Variants in DARS1 observed in about 807,000 individuals in gnomAD.
DARS1 encodes the protein aspartyl-tRNA synthetase 1.
In DARS1, 51 loss-of-function variants were observed where a neutral mutation model predicts 68.8. That is an observed-to-expected ratio of 0.74 (90% confidence interval 0.59 to 0.94). The LOEUF (loss-of-function observed/expected upper bound fraction) is 0.94. DARS1 is among the 40% of genes least tolerant of loss of function. DARS1 has a pLI of 0.00. For synonymous variants in DARS1, 203 were observed against 190.4 expected, an observed-to-expected ratio of 1.07 and a Z score of -0.55; for missense variants, 607 against 597.3, an observed-to-expected ratio of 1.02 and a Z score of -0.17.
At position 135,907,091 on chromosome 2, in the gene DARS1, T is replaced by C. The variant is rs925643868; in HGVS notation, c.*225A>G. 1.6e-5 allele frequency: 5 copies of C among 311,440 alleles called. No homozygotes were observed. The Admixed American group carries it at 2.4e-4, about 15-fold the overall frequency. 19.3% of individuals were successfully genotyped at this position (311,440 alleles called of 1,614,324 possible). The stretch of plus-strand genomic sequence containing the variant: ...TCCTACTGATGCATGTCTGAAGTTA[T>C]AAAAATCTCTTTTAAACGAACCTAT... On this transcript the variant is annotated 3_prime_UTR_variant, in exon 16 of 16. Transcript: ENST00000264161.
chr2:135,946,430 T>G (rs1239515551), intron 4 of DARS1, among the ~76,000 whole-genome samples: 1 of 152,192 alleles, frequency 6.6e-6, no homozygotes, highest in African/African-American at 2.4e-5. Context: ...GTCCAGTGTT[T>G]ATGTATAAAT....
chr2:135,943,623 A>G, intron 4 of DARS1, 143 bp from the exon 5 acceptor site: 1 of 1,295,338 alleles, frequency 7.7e-7, no homozygotes, highest in Non-Finnish European at 1.0e-6. Context: ...TATTTAACCT[A>G]CTTAGAATAA....
At chr2:135,948,140 G>A (rs1681768085) in intron 4 of DARS1, among the ~76,000 whole-genome samples, 1 of 152,304 alleles carries the variant, frequency 6.6e-6, no homozygotes, top group South Asian at 2.1e-4. Context: ...AGATGTTGCA[G>A]TGGACAGGAC....
chr2:135,968,647 T>C (rs1170870861), intron 3 of DARS1, among the ~76,000 whole-genome samples: 1 of 149,032 alleles, frequency 6.7e-6, no homozygotes, highest in African/African-American at 2.5e-5. Flanking sequence ...AATGCCACAC[T>C]GGGGATTCAG....
intron 4 of DARS1, among the ~76,000 whole-genome samples, chr2:135,956,697 C>T (rs945726054): frequency 6.6e-6 from 1 of 152,222 alleles, no homozygotes; most frequent in Non-Finnish European, 1.5e-5. Context: ...ACCTCTATTA[C>T]ACCCATCTGT....
At chr2:135,915,450 C>A (rs1575383043) in intron 11 of DARS1, among the ~76,000 whole-genome samples, 1 of 151,946 alleles carries the variant, frequency 6.6e-6, no homozygotes, top group Non-Finnish European at 1.5e-5. Flanking sequence ...CCATGTTCAG[C>A]TAAATTTTAA....
intron 6 of DARS1, among the ~76,000 whole-genome samples, 183 bp downstream of exon 6, chr2:135,933,727 T>G (rs1681404357): frequency 1.3e-5 from 2 of 152,298 alleles, no homozygotes; most frequent in South Asian, 4.1e-4. Flanking sequence ...TTCTTAATTA[T>G]TTTTAATAAT....
chr2:135,943,351 G>A, intron 5 of DARS1, 27 bp downstream of exon 5: 1 of 1,600,124 alleles, frequency 6.2e-7, no homozygotes, highest in Non-Finnish European at 8.5e-7. Context: ...ATTTCTATAT[G>A]CGATTTTATA....
At chr2:135,958,932 C>T (rs1254253470) in intron 4 of DARS1, among the ~76,000 whole-genome samples, 1 of 151,750 alleles carries the variant, frequency 6.6e-6, no homozygotes, top group East Asian at 1.9e-4. Flanking sequence ...ATATAAAGTC[C>T]ATTTTTTAAA....
At chr2:135,975,186 T>C (rs1682467698) in intron 3 of DARS1, among the ~76,000 whole-genome samples, 1 of 151,228 alleles carries the variant, frequency 6.6e-6, no homozygotes. Context: ...CTACTAAAAA[T>C]ACAAAAAAAT....
At chr2:135,915,142 T>C (rs1680978190) in intron 11 of DARS1, among the ~76,000 whole-genome samples, 1 of 152,130 alleles carries the variant, frequency 6.6e-6, no homozygotes, top group Admixed American at 6.5e-5. Context: ...GGGTTTTGGG[T>C]GAATTGTTTT....
chr2:135,912,801 A>G (rs968326420), intron 12 of DARS1, among the ~76,000 whole-genome samples: 2 of 145,424 alleles, frequency 1.4e-5, no homozygotes, highest in African/African-American at 5.1e-5. Context: ...CATAGTTTTT[A>G]AATTTTTTTT....
chr2:135,947,165 G>C (rs1171620151), intron 4 of DARS1, among the ~76,000 whole-genome samples: 1 of 152,108 alleles, frequency 6.6e-6, no homozygotes, highest in East Asian at 1.9e-4. Flanking sequence ...AGCACTTCTG[G>C]GAGGTCGGGG....
intron 2 of DARS1, among the ~76,000 whole-genome samples, chr2:135,980,200 T>A (rs1682589949): frequency 6.6e-6 from 1 of 152,184 alleles, no homozygotes; most frequent in Admixed American, 6.5e-5. Context: ...AAATACTACA[T>A]TCATCTAGAG....
chr2:135,983,352 A>T, intron 2 of DARS1, 45 bp downstream of exon 2: 1 of 812,824 alleles, frequency 1.2e-6, no homozygotes, highest in Non-Finnish European at 2.1e-6. Context: ...CTTTCCTGGA[A>T]TTAGAAAGCA....
rs1465623045 is a variant in DARS1 at position 135,985,564 on chromosome 2, C to T, written c.-96G>A. 1.3e-6 allele frequency: 2 copies of T among 1,594,948 alleles called. No individual in the cohort carries two copies. Among genetic ancestry groups the T allele is most frequent in the South Asian group, 2.3e-5 (2 of 88,484 alleles). On this transcript the variant is annotated 5_prime_UTR_variant, in exon 1 of 16. Coordinates refer to ENST00000264161, the MANE Select transcript of DARS1 (RefSeq NM_001349.4). ...CTCCCTCCCTCCCAGTCTCCGCCCT[C>T]CCGACCCTGGGGTCTCAGCACACGC...
intron 6 of DARS1, among the ~76,000 whole-genome samples, 158 bp from the exon 7 acceptor site, chr2:135,933,000 C>T (rs954616488): frequency 3.9e-5 from 6 of 152,158 alleles, no homozygotes; most frequent in Admixed American, 1.3e-4. Context: ...ACACAAAGTG[C>T]GGCCAGAGAG....
rs762236500 is a variant in DARS1, at chr2:135,979,364, G to A, written c.127C>T (p.Arg43Ter). 7.0e-6 allele frequency: 9 copies of A among 1,290,606 alleles called. No homozygotes were observed. Among genetic ancestry groups the A allele is most frequent in the Admixed American group, 1.7e-5 (1 of 59,308 alleles). The allele number at this position is 1,290,606 out of a possible 1,614,324, so 79.9% of individuals were successfully genotyped here. A position where few individuals can be genotyped will look rare whatever the true frequency, so the allele number is the denominator to read the frequency against. Residue 43 changes from arginine to a stop codon, truncating the protein, a stop_gained and splice_region_variant, in exon 3 of 16, where the codon CGA becomes TGA. Coordinates refer to ENST00000264161, the MANE Select transcript of DARS1 (RefSeq NM_001349.4). LOFTEE classifies it high-confidence loss of function. ...AAGTCTCTAACCCGAACCAAAACTC[G>A]ATCTGTAATAACAGTAAACGATTTT... ...SMIQSQEKPD[R>*]VLVRVRDLTI...
At chr2:135,920,376 T>C (rs1681089045) in intron 10 of DARS1, 77 bp downstream of exon 10, 1 of 1,500,088 alleles carries the variant, frequency 6.7e-7, no homozygotes, top group East Asian at 2.4e-5. Flanking sequence ...TTTGTATGTT[T>C]AAATTGAAGA....
Sources: allele counts gnomAD v4.1 joint callset (sites outside exome capture counted in the v4.1 genomes callset), GRCh38; gene constraint gnomAD v4.1.1; transcripts MANE v1.5; gene names NCBI Gene and HGNC (gene_info 2026-07-23, HGNC 2026-07-21).